Variants in EEPD1 observed in about 807,000 individuals in gnomAD.
EEPD1 encodes the protein endonuclease/exonuclease/phosphatase family domain containing 1.
A neutral mutation model predicts 46.3 loss-of-function variants in EEPD1; 17 were observed. The observed-to-expected ratio is 0.37, with a 90% confidence interval of 0.25 to 0.55. The LOEUF (loss-of-function observed/expected upper bound fraction) is 0.55, where lower values mean the gene tolerates loss of function less well. Among genes scored for constraint, EEPD1 ranks in the 20% least tolerant of loss-of-function variants. The pLI, the probability that EEPD1 is intolerant of heterozygous loss-of-function variation, is 0.83. For missense variants in EEPD1, 673 were observed against 745.6 expected (o/e 0.90, Z 1.13); for synonymous variants, 313 against 315.6 (o/e 0.99, Z 0.09).
At chr7:36,285,458 C>T (rs1209278770) in intron 5 of EEPD1, among the ~76,000 whole-genome samples, 1 of 152,136 alleles carries the variant, frequency 6.6e-6, no homozygotes, top group African/African-American at 2.4e-5. Flanking sequence ...GAATCTCTGT[C>T]CCCCCAGCAT....
At position 36,193,268 on chromosome 7, in the gene EEPD1, G is replaced by A. The variant is rs1785513138; in HGVS notation, c.878+38066G>A. Among the ~76,000 whole-genome samples, 1 of 152,010 alleles carries A rather than the reference G, an allele frequency of 6.6e-6. No individual in the cohort carries two copies. The highest frequency in any genetic ancestry group is 2.1e-4 in the South Asian group (1 of 4,830). ...AAGGTGGAAGTGCCAACCAGCAGAA[G>A]TTAGATGGAGAAGAGGCCCAGAGAG... On this transcript the variant is annotated intron_variant, in intron 2 of 7. Coordinates refer to ENST00000242108, the MANE Select transcript of EEPD1 (RefSeq NM_030636.3). This position sits in a 1 kb window ranked among gnomAD's most constrained non-coding sequence, Gnocchi z 4.9.
chr7:36,236,335 A>G (rs1011404024), intron 2 of EEPD1, among the ~76,000 whole-genome samples: 1 of 152,192 alleles, frequency 6.6e-6, no homozygotes, highest in East Asian at 1.9e-4. Flanking sequence ...CACGGGTTCC[A>G]GGTGAGCGCG....
intron 3 of EEPD1, among the ~76,000 whole-genome samples, chr7:36,256,392 T>C (rs1200114888): frequency 1.3e-5 from 2 of 152,116 alleles, no homozygotes; most frequent in African/African-American, 4.8e-5. Context: ...TTTTCTGTCT[T>C]GTTGATCTGT....
chr7:36,267,113 C>G (rs1787031777), intron 3 of EEPD1, among the ~76,000 whole-genome samples: 1 of 152,194 alleles, frequency 6.6e-6, no homozygotes, highest in Non-Finnish European at 1.5e-5. Flanking sequence ...TCTCTGGAGT[C>G]TGCCCACTGC....
chr7:36,260,807 TCAAC>T (rs1365245871), intron 3 of EEPD1, among the ~76,000 whole-genome samples: 4 of 152,358 alleles, frequency 2.6e-5, no homozygotes, highest in African/African-American at 9.6e-5. Context: ...ATCTGTAGAT[TCAAC>T]CAACCATGAA....
chr7:36,249,916 T>C (rs1029345437), intron 3 of EEPD1, among the ~76,000 whole-genome samples: 8 of 152,172 alleles, frequency 5.3e-5, no homozygotes, highest in African/African-American at 1.4e-4. Flanking sequence ...AATGTTCTTA[T>C]GATATCAAAA....
intron 4 of EEPD1, 38 bp from the exon 5 acceptor site, chr7:36,284,648 G>T (rs774601220): frequency 1.9e-6 from 3 of 1,597,622 alleles, no homozygotes; most frequent in Non-Finnish European, 2.6e-6. Context: ...TGGCGCTAGG[G>T]CTCTGGCACC....
intron 2 of EEPD1, among the ~76,000 whole-genome samples, chr7:36,229,652 G>A (rs549540953): frequency 1.5e-4 from 23 of 152,090 alleles, no homozygotes; most frequent in Non-Finnish European, 3.4e-4. Context: ...TCTCTCCAAT[G>A]CCACCAGCCT....
intron 2 of EEPD1, among the ~76,000 whole-genome samples, chr7:36,236,666 C>A (rs914580313): frequency 6.6e-6 from 1 of 152,182 alleles, no homozygotes; most frequent in South Asian, 2.1e-4. Context: ...TTTGTAAACG[C>A]ACCAATCAGC....
intron 3 of EEPD1, among the ~76,000 whole-genome samples, chr7:36,262,934 T>G (rs1261887212): frequency 6.6e-6 from 1 of 152,178 alleles, no homozygotes; most frequent in Non-Finnish European, 1.5e-5. Context: ...TGATGGTCGC[T>G]TGACAGTCCT....
intron 6 of EEPD1, among the ~76,000 whole-genome samples, chr7:36,296,694 C>CTT (rs60706978): frequency 0.27 from 21,926 of 82,394 alleles, 2,609 homozygotes; most frequent in East Asian, 0.31. Flanking sequence ...ACCCTTAGGT[C>CTT]TTTTTTTTTT....
intron 5 of EEPD1, 191 bp from the exon 6 acceptor site, chr7:36,287,448 T>C: frequency 1.3e-6 from 1 of 782,312 alleles, no homozygotes; most frequent in Non-Finnish European, 1.9e-6. Context: ...AAAATAGGCC[T>C]TGTTCCTGCA....
chr7:36,251,104 A>G (rs1004183379), intron 3 of EEPD1, among the ~76,000 whole-genome samples: 3 of 152,178 alleles, frequency 2.0e-5, no homozygotes, highest in Admixed American at 1.3e-4. Flanking sequence ...TTGACCCCAT[A>G]TGGGTTATTC....
At chr7:36,245,482 C>T (rs1786625740) in intron 3 of EEPD1, among the ~76,000 whole-genome samples, 2 of 152,108 alleles carry the variant, frequency 1.3e-5, no homozygotes, top group South Asian at 4.1e-4. Flanking sequence ...CAGTAGGGTT[C>T]TAGTTTTTGC....
At chr7:36,229,905 T>A (rs1489660993) in intron 2 of EEPD1, among the ~76,000 whole-genome samples, 1 of 152,028 alleles carries the variant, frequency 6.6e-6, no homozygotes, top group Non-Finnish European at 1.5e-5. Context: ...CTCCCCTTCG[T>A]CACCATCCTC....
chr7:36,200,708 C>T (rs190923869), intron 2 of EEPD1, among the ~76,000 whole-genome samples: 30 of 152,250 alleles, frequency 2.0e-4, no homozygotes, highest in African/African-American at 7.2e-4. Context: ...ACTGAGATTA[C>T]ATTTCTCAGA....
chr7:36,213,669 A>G (rs767632120), intron 2 of EEPD1, among the ~76,000 whole-genome samples: 1 of 152,182 alleles, frequency 6.6e-6, no homozygotes, highest in Non-Finnish European at 1.5e-5. Flanking sequence ...ACACTGCTTC[A>G]GTGTGACTCC....
chr7:36,177,837 C>A (rs749078486), intron 2 of EEPD1, among the ~76,000 whole-genome samples: 8 of 152,108 alleles, frequency 5.3e-5, no homozygotes, highest in Non-Finnish European at 1.2e-4. Flanking sequence ...CCTCAACCTC[C>A]CGAGTAGCTA....
At chr7:36,267,918 T>C (rs1388533848) in intron 3 of EEPD1, among the ~76,000 whole-genome samples, 1 of 152,128 alleles carries the variant, frequency 6.6e-6, no homozygotes. Context: ...GATTATCTAT[T>C]CTCTGCCATG....
Sources: gnomAD v4.1 joint callset for allele counts (sites outside exome capture counted in the v4.1 genomes callset) on GRCh38, gnomAD v4.1.1 for gene constraint, Gnocchi (gnomAD v3.1) non-coding constraint, MANE v1.5 for transcripts, NCBI Gene and HGNC (gene_info 2026-07-23, HGNC 2026-07-21) for gene names.